Variants in MYH10 observed in about 807,000 individuals in gnomAD.
The protein encoded by MYH10 is myosin-10.
In MYH10, 55 loss-of-function variants were observed where a neutral mutation model predicts 257.8. The ratio of observed to expected loss-of-function variants is 0.21; its 90% CI spans 0.17 to 0.27. The LOEUF (loss-of-function observed/expected upper bound fraction) is 0.27, where lower values mean the gene tolerates loss of function less well. Ranked by LOEUF, MYH10 falls within the 10% of genes least tolerant of loss-of-function variation. The probability of loss-of-function intolerance (pLI) is 1.00; values close to 1 mark genes in which losing one functional copy is unlikely to be tolerated. For missense variants in MYH10, 1,631 were observed against 2,500.6 expected (o/e 0.65, Z 7.42); for synonymous variants, 854 against 921.7 (o/e 0.93, Z 1.33).
intron 7 of MYH10, chr17:8,561,260 G>T: frequency 1.0e-6 from 1 of 965,878 alleles, no homozygotes; most frequent in Admixed American, 1.7e-5. Context: ...CAAAGGTCGT[G>T]CTGAAAAGGG....
At chr17:8,513,507 C>T (rs761986430) in intron 23 of MYH10, 31 bp downstream of exon 23, 1 of 1,612,346 alleles carries the variant, frequency 6.2e-7, no homozygotes, top group Non-Finnish European at 8.5e-7. Context: ...GATTCAGGGC[C>T]AAGTGTGAGT....
At chr17:8,551,380 C>A (rs1248994037) in intron 9 of MYH10, among the ~76,000 whole-genome samples, 1 of 152,052 alleles carries the variant, frequency 6.6e-6, no homozygotes, top group African/African-American at 2.4e-5. Context: ...TTAGCAAAAG[C>A]CTGGATGCCA....
Position 8,531,556 on chromosome 17 carries a change from C to CTTT in MYH10, c.1895-874_1895-872dup, listed in dbSNP as rs11420469. 3.5e-5 allele frequency among the ~76,000 whole-genome samples: 5 copies of CTTT among 143,814 alleles called. No individual in the cohort carries two copies. The Admixed American group carries it at 3.5e-4, about 10-fold the overall frequency. The allele number at this position is 143,814 out of a possible 152,430, so 94.3% of individuals were successfully genotyped here. A position where few individuals can be genotyped will look rare whatever the true frequency, so the allele number is the denominator to read the frequency against. On this transcript the variant is annotated intron_variant, in intron 16 of 42. Transcript: ENST00000360416. Reference sequence around the variant, plus strand: ...CACAAACTCTACTTTTTTTCTTTTTCTTTTTTTTTTTTTCAGTTGAGACAG... The same window carrying CTTT: ...CACAAACTCTACTTTTTTTCTTTTTCTTTTTTTTTTTTTTTTCAGTTGAGACAG...
chr17:8,625,776 C>T (rs2085652796), intron 1 of MYH10, among the ~76,000 whole-genome samples: 1 of 152,176 alleles, frequency 6.6e-6, no homozygotes, highest in South Asian at 2.1e-4. Flanking sequence ...CCACCGCGTC[C>T]AGCCTGAGCC....
intron 2 of MYH10, among the ~76,000 whole-genome samples, chr17:8,615,343 T>C (rs1220018017): frequency 6.6e-6 from 1 of 151,760 alleles, no homozygotes; most frequent in African/African-American, 2.4e-5. Flanking sequence ...ATAGAAAAAC[T>C]TTCCCACAAA....
chr17:8,490,654 C>T lies in MYH10; in HGVS notation c.4672-102G>A. 8.3e-7 allele frequency: 1 copy of T among 1,199,460 alleles called. No homozygotes were observed. Among genetic ancestry groups the T allele is most frequent in the Non-Finnish European group, 1.2e-6 (1 of 822,570 alleles). 74.3% of individuals were successfully genotyped at this position (1,199,460 alleles called of 1,614,324 possible). On this transcript the variant is annotated intron_variant, in intron 34 of 42. Transcript: ENST00000360416. This position sits in a 1 kb window ranked among gnomAD's most constrained non-coding sequence, Gnocchi z 4.1. Reference sequence around the variant, plus strand: ...AGGCCCACTCGTGGCATGCTGGCCACTTTGGTCCCCCTGGGCCGGCCCCCT... The same window carrying T: ...AGGCCCACTCGTGGCATGCTGGCCATTTTGGTCCCCCTGGGCCGGCCCCCT...
intron 4 of MYH10, 110 bp from the exon 5 acceptor site, chr17:8,577,448 A>G (rs1003134618): frequency 1.4e-5 from 8 of 553,776 alleles, no homozygotes; most frequent in Non-Finnish European, 2.5e-5. Flanking sequence ...ATAAAAATAA[A>G]AAGAATAAAT....
rs1237893796 is a variant in MYH10, at chr17:8,554,890, T to G, written c.757-872A>C. ...GTCACTTGAACCCAGGAGGCGGAGG[T>G]TGCAGTGAACTGAGATCGCGCCACT... is the stretch of plus-strand genomic sequence containing the variant. On this transcript the variant is annotated intron_variant, in intron 7 of 42. Coordinates refer to ENST00000360416, the MANE Select transcript of MYH10 (RefSeq NM_001256012.3). Among the ~76,000 whole-genome samples, 10 of 151,730 alleles carry G rather than the reference T, an allele frequency of 6.6e-5. No homozygotes were observed. In the East Asian group the frequency reaches 1.7e-3, roughly 26 times the overall value.
intron 17 of MYH10, among the ~76,000 whole-genome samples, chr17:8,526,777 GT>G (rs1425237305): frequency 2.0e-5 from 3 of 152,106 alleles, no homozygotes; most frequent in Admixed American, 6.5e-5. Flanking sequence ...AGATTTTTAT[GT>G]TTTTCAAATC....
Position 8,542,156 on chromosome 17 carries a change from A to G in MYH10, c.1556T>C (p.Ile519Thr), listed in dbSNP as rs2082308471. ...TGGCTGCAGATCCAGCCCGAAATCG[A>G]TGAAGTTCCACTCGATGCCTTCGCG... is the stretch of plus-strand genomic sequence containing the variant. ...YQREGIEWNF[I>T]DFGLDLQPCI... is the part of the protein sequence containing the mutation. Residue 519 changes from isoleucine to threonine, a missense_variant, in exon 14 of 43, where the codon ATC (isoleucine) becomes ACC (threonine). Ile to Thr is a moderately conservative substitution (Grantham distance 89). Transcript: ENST00000360416. The G allele has an allele frequency of 6.2e-7, 1 of 1,614,052 alleles. No individual in the cohort carries two copies. The highest frequency in any genetic ancestry group is 8.5e-7 in the Non-Finnish European group (1 of 1,180,032).
chr17:8,476,034 A>G, intron 42 of MYH10, 86 bp from the exon 43 acceptor site: 1 of 1,449,844 alleles, frequency 6.9e-7, no homozygotes. Context: ...ATGCCACGGA[A>G]CCTTCCCCTT....
chr17:8,559,126 C>T (rs2082902229), intron 7 of MYH10, among the ~76,000 whole-genome samples: 1 of 152,114 alleles, frequency 6.6e-6, no homozygotes, highest in Non-Finnish European at 1.5e-5. Context: ...TGAGAAAATT[C>T]TAGGCTATCA....
At chr17:8,613,378 A>G (rs1423468559) in intron 2 of MYH10, among the ~76,000 whole-genome samples, 1 of 152,234 alleles carries the variant, frequency 6.6e-6, no homozygotes, top group East Asian at 1.9e-4. Flanking sequence ...TTAAAATGTA[A>G]TATGTGTCTT....
At chr17:8,598,644 A>G (rs2084477303) in intron 3 of MYH10, among the ~76,000 whole-genome samples, 1 of 152,070 alleles carries the variant, frequency 6.6e-6, no homozygotes, top group Non-Finnish European at 1.5e-5. Context: ...GTTTAGAGCC[A>G]TGAACTATTT....
chr17:8,547,228 T>G (rs2151953932), intron 11 of MYH10, among the ~76,000 whole-genome samples: 1 of 152,174 alleles, frequency 6.6e-6, no homozygotes. Flanking sequence ...TTTACAAGAG[T>G]GACCTGATCC....
At chr17:8,512,957 G>A (rs560021278) in intron 23 of MYH10, among the ~76,000 whole-genome samples, 5 of 152,272 alleles carry the variant, frequency 3.3e-5, no homozygotes, top group African/African-American at 1.2e-4. Flanking sequence ...TTATTCAAAT[G>A]CCATAAAGTT....
At chr17:8,511,059 T>TATATATAC (rs1222415877) in intron 24 of MYH10, 2 of 88,678 alleles carry the variant, frequency 2.3e-5, no homozygotes, top group African/African-American at 1.1e-4. Context: ...TATATATATA[T>TATATATAC]ACACACATAC....
chr17:8,586,461 T>C (rs1158958219), intron 4 of MYH10, among the ~76,000 whole-genome samples: 1 of 152,176 alleles, frequency 6.6e-6, no homozygotes, highest in Non-Finnish European at 1.5e-5. Flanking sequence ...ATCTAGGTGG[T>C]AGACACATGG....
chr17:8,484,901 A>G (rs1332321297), intron 36 of MYH10, among the ~76,000 whole-genome samples: 1 of 152,216 alleles, frequency 6.6e-6, no homozygotes, highest in Non-Finnish European at 1.5e-5. Flanking sequence ...GCAACAAGAC[A>G]AGGATGTCTG....
Sources: gnomAD v4.1 joint callset for allele counts (sites outside exome capture counted in the v4.1 genomes callset) on GRCh38, gnomAD v4.1.1 for gene constraint, Gnocchi (gnomAD v3.1) non-coding constraint, MANE v1.5 for transcripts, NCBI Gene and HGNC (gene_info 2026-07-23, HGNC 2026-07-21) for gene names.